Variants in CHL1 observed in about 807,000 individuals in gnomAD.
CHL1 encodes the protein neural cell adhesion molecule L1-like protein.
CHL1 carries 96 observed loss-of-function variants against 141.9 expected under a neutral mutation model. That is an observed-to-expected ratio of 0.68 (90% CI 0.57 to 0.80). CHL1 has a LOEUF of 0.80. CHL1 is among the 30% of genes least tolerant of loss of function. The pLI is 0.00. For missense variants in CHL1, 1,820 were observed against 1,457.2 expected (o/e 1.25, Z -4.05); for synonymous variants, 613 against 502.2 (o/e 1.22, Z -2.95).
chr3:236,733 A>G (rs1226380269), intron 1 of CHL1, among the ~76,000 whole-genome samples: 2 of 145,360 alleles, frequency 1.4e-5, no homozygotes, highest in Non-Finnish European at 1.5e-5. Context: ...TATTCTTTGT[A>G]TTCATCTTTC....
chr3:359,838 C>T (rs550434047), intron 11 of CHL1, among the ~76,000 whole-genome samples: 4 of 152,206 alleles, frequency 2.6e-5, no homozygotes, highest in South Asian at 2.1e-4. Flanking sequence ...AGAACTGAAA[C>T]GGGAACAAAA....
At chr3:327,534 C>A (rs373034000) in intron 4 of CHL1, among the ~76,000 whole-genome samples, 1 of 151,580 alleles carries the variant, frequency 6.6e-6, no homozygotes, top group Admixed American at 6.6e-5. Context: ...AATATTTGGA[C>A]AAGTACCAAA....
chr3:260,265 A>G (rs1421910585), intron 2 of CHL1, among the ~76,000 whole-genome samples: 4 of 152,134 alleles, frequency 2.6e-5, no homozygotes, highest in African/African-American at 7.2e-5. Flanking sequence ...CTCTGTCTCA[A>G]ATAAATAAAT....
chr3:202,040 G>A (rs943595700), intron 1 of CHL1, among the ~76,000 whole-genome samples: 2 of 152,184 alleles, frequency 1.3e-5, no homozygotes, highest in African/African-American at 4.8e-5. Flanking sequence ...TACATGCACT[G>A]GCTATAAAAG....
At chr3:291,832 G>A (rs1434416154) in intron 2 of CHL1, among the ~76,000 whole-genome samples, 1 of 152,152 alleles carries the variant, frequency 6.6e-6, no homozygotes, top group Admixed American at 6.5e-5. Flanking sequence ...ACATATGTCT[G>A]CAGAAGGATT....
intron 1 of CHL1, among the ~76,000 whole-genome samples, chr3:207,169 C>G (rs1699515803): frequency 6.6e-6 from 1 of 152,172 alleles, no homozygotes; most frequent in African/African-American, 2.4e-5. Flanking sequence ...TATTTACAAG[C>G]AAATGTTCAT....
intron 1 of CHL1, among the ~76,000 whole-genome samples, chr3:240,097 T>G (rs1194454748): frequency 6.6e-6 from 1 of 152,200 alleles, no homozygotes; most frequent in Non-Finnish European, 1.5e-5. Flanking sequence ...TCTTTTCCTC[T>G]GGGTAGATAC....
At chr3:280,119 G>C (rs1192513635) in intron 2 of CHL1, among the ~76,000 whole-genome samples, 1 of 152,084 alleles carries the variant, frequency 6.6e-6, no homozygotes, top group Admixed American at 6.5e-5. Flanking sequence ...GGATCTTCAG[G>C]TGAAGTGTCA....
chr3:306,603 T>A (rs1161796009), intron 2 of CHL1, among the ~76,000 whole-genome samples: 1 of 152,166 alleles, frequency 6.6e-6, no homozygotes, highest in Non-Finnish European at 1.5e-5. Flanking sequence ...GTTTTTTGTA[T>A]CACTGTTTGG....
intron 2 of CHL1, among the ~76,000 whole-genome samples, chr3:298,092 A>C (rs1380806120): frequency 4.6e-5 from 7 of 152,198 alleles, no homozygotes; most frequent in Non-Finnish European, 1.0e-4. Flanking sequence ...CACTATTTTC[A>C]GTGGTTATAA....
At chr3:373,535 G>T (rs1201800253) in intron 15 of CHL1, 1 of 152,484 alleles carries the variant, frequency 6.6e-6, no homozygotes, top group East Asian at 1.9e-4. Context: ...CCCCACCCAG[G>T]GAGCTTAGCG....
intron 2 of CHL1, among the ~76,000 whole-genome samples, chr3:267,333 C>T (rs1695245577): frequency 6.6e-6 from 1 of 152,184 alleles, no homozygotes; most frequent in Non-Finnish European, 1.5e-5. Context: ...TCCTTGCCCT[C>T]ATAGCAACTT....
chr3:225,173 TAGA>T lies in CHL1; in HGVS notation c.-174-19436_-174-19434del, dbSNP rs1416472587. The stretch of plus-strand genomic sequence containing the variant: ...AAGATTGTGTTAGGTACTTACAGAC[TAGA>T]AGATTATGTTAATGAATCTTTTATT... On this transcript the variant is annotated intron_variant, in intron 1 of 27. Transcript: ENST00000256509. Among the ~76,000 whole-genome samples, 14 of 152,334 alleles carry T rather than the reference TAGA, an allele frequency of 9.2e-5. No homozygotes were observed. In the South Asian group the frequency reaches 2.7e-3, roughly 29 times the overall value.
At chr3:251,353 T>G (rs1693677933) in intron 2 of CHL1, among the ~76,000 whole-genome samples, 1 of 152,120 alleles carries the variant, frequency 6.6e-6, no homozygotes, top group Admixed American at 6.6e-5. Context: ...AGTTCCAGCT[T>G]TAACTCAGCA....
intron 15 of CHL1, among the ~76,000 whole-genome samples, chr3:376,125 G>C (rs1706283854): frequency 6.6e-6 from 1 of 152,206 alleles, no homozygotes; most frequent in Non-Finnish European, 1.5e-5. Context: ...GAGTAGAAAT[G>C]ATACAACTTT....
intron 2 of CHL1, among the ~76,000 whole-genome samples, chr3:276,068 T>C (rs756441112): frequency 2.0e-5 from 3 of 151,854 alleles, no homozygotes; most frequent in Non-Finnish European, 2.9e-5. Context: ...AACTCTAAAG[T>C]CGAAATTATT....
chr3:333,818 T>A (rs769850930), intron 5 of CHL1, among the ~76,000 whole-genome samples: 3 of 152,234 alleles, frequency 2.0e-5, no homozygotes, highest in Non-Finnish European at 2.9e-5. Context: ...AATGATAATA[T>A]AAATAATCCT....
chr3:387,338 G>T (rs185487334), intron 19 of CHL1, among the ~76,000 whole-genome samples: 134 of 152,280 alleles, frequency 8.8e-4, no homozygotes, highest in African/African-American at 3.1e-3. Context: ...GGAAGGGAAG[G>T]CTGGTGGCCT....
intron 10 of CHL1, 86 bp downstream of exon 10, chr3:349,629 G>A (rs1703075422): frequency 1.8e-6 from 2 of 1,115,214 alleles, no homozygotes; most frequent in Non-Finnish European, 1.3e-6. Context: ...AATCATACAT[G>A]TTAAAACAGG....
Sources: allele counts gnomAD v4.1 joint callset (sites outside exome capture counted in the v4.1 genomes callset), GRCh38; gene constraint gnomAD v4.1.1; transcripts MANE v1.5; gene names NCBI Gene and HGNC (gene_info 2026-07-23, HGNC 2026-07-21).